The following PPFIA1 variants were observed in gnomAD, a reference collection of about 807,000 sequenced individuals.
PPFIA1 encodes liprin-alpha-1.
In PPFIA1, 25 loss-of-function variants were observed where a neutral mutation model predicts 149.9. The observed-to-expected ratio is 0.17, with a 90% CI of 0.12 to 0.23. The LOEUF is 0.23. PPFIA1 is among the 10% of genes least tolerant of loss of function. The pLI is 1.00. For synonymous variants in PPFIA1, 549 were observed against 552.8 expected, an observed-to-expected ratio of 0.99 and a Z score of 0.10; for missense variants, 1,362 against 1,506.5, an observed-to-expected ratio of 0.90 and a Z score of 1.59.
Position 70,302,095 on chromosome 11 carries a change from T to C in PPFIA1, c.265-22307T>C, listed in dbSNP as rs575039480. Reference sequence around the variant, plus strand: ...GTGGCACAGTAGACAGAATCCAGCATAGCACAGGAAAGGAGCTGGCCAGGT... The same window carrying C: ...GTGGCACAGTAGACAGAATCCAGCACAGCACAGGAAAGGAGCTGGCCAGGT... On this transcript the variant is annotated intron_variant, in intron 2 of 27. Coordinates refer to ENST00000253925, the MANE Select transcript of PPFIA1 (RefSeq NM_003626.5). 2.4e-4 allele frequency among the ~76,000 whole-genome samples: 36 copies of C among 152,242 alleles called. No individual in the cohort carries two copies. The East Asian group carries it at 6.2e-3, about 26-fold the overall frequency.
chr11:70,294,636 A>G (rs546724), intron 2 of PPFIA1, among the ~76,000 whole-genome samples: 67,912 of 149,250 alleles, frequency 0.46, 17,796 homozygotes, highest in African/African-American at 0.72. Flanking sequence ...CAATAGTGGA[A>G]GGAAGGTCAG....
intron 6 of PPFIA1, 82 bp downstream of exon 6, chr11:70,326,445 A>C: frequency 1.1e-5 from 15 of 1,366,908 alleles, no homozygotes; most frequent in Non-Finnish European, 1.3e-5. Flanking sequence ...AACAGTTGCT[A>C]AAGTACCGGC....
intron 2 of PPFIA1, among the ~76,000 whole-genome samples, chr11:70,301,607 T>C (rs1274158965): frequency 6.6e-6 from 1 of 152,246 alleles, no homozygotes; most frequent in African/African-American, 2.4e-5. Context: ...TTTGAGTACC[T>C]AGCATATAGC....
At chr11:70,312,548 T>C (rs1338358807) in intron 2 of PPFIA1, among the ~76,000 whole-genome samples, 1 of 152,172 alleles carries the variant, frequency 6.6e-6, no homozygotes, top group Non-Finnish European at 1.5e-5. Context: ...GAGTGTTGAT[T>C]CAGCAAGGTG....
chr11:70,360,742 A>G (rs1343631012), intron 19 of PPFIA1, among the ~76,000 whole-genome samples: 1 of 152,266 alleles, frequency 6.6e-6, no homozygotes, highest in African/African-American at 2.4e-5. Flanking sequence ...GTCTGCTGCT[A>G]TTGAAATGTA....
At chr11:70,320,225 A>G (rs933376131) in intron 2 of PPFIA1, 2 of 152,278 alleles carry the variant, frequency 1.3e-5, no homozygotes, top group African/African-American at 4.8e-5. Context: ...GAAACAAACC[A>G]AAAAGCATAG....
chr11:70,329,917 G>T (rs1042761009), intron 7 of PPFIA1: 47 of 385,710 alleles, frequency 1.2e-4, no homozygotes, highest in Admixed American at 5.9e-4. Context: ...GATAGAGGGA[G>T]ACTCTGACTC....
In PPFIA1 at chr11:70,378,131, A is replaced by C. The variant is rs144543406; in HGVS notation, c.3486A>C (p.Ala1162=). The C allele has an allele frequency of 6.7e-4, 1,081 of 1,614,202 alleles. 5 individuals are homozygous for C. The African/African-American group carries it at 0.013, about 19-fold the overall frequency. The change falls in exon 26 of 28, where the codon GCA becomes GCC. Residue 1162 remains alanine, a synonymous_variant. Transcript: ENST00000253925. ...CTGGGTCAGCAGAGACTCTCCCTGC[A>C]AACTTCCGGGTGACTTCTTCTATGT... is the stretch of plus-strand genomic sequence containing the variant. ...LAAGSAETLP[A]NFRVTSSMSS... is the part of the protein sequence containing the mutation.
At chr11:70,374,687 C>T (rs528503348) in intron 23 of PPFIA1, 2 of 478,362 alleles carry the variant, frequency 4.2e-6, no homozygotes, top group South Asian at 3.3e-5. Context: ...CTCTCGTGCT[C>T]ACTGGAAGGA....
intron 2 of PPFIA1, among the ~76,000 whole-genome samples, chr11:70,287,550 CAA>C (rs2051228226): frequency 6.6e-6 from 1 of 150,554 alleles, no homozygotes; most frequent in Non-Finnish European, 1.5e-5. Flanking sequence ...GGCTGGTCTC[CAA>C]TCCTGGTCTC....
chr11:70,322,338 G>A (rs986511840), intron 2 of PPFIA1, among the ~76,000 whole-genome samples: 4 of 152,164 alleles, frequency 2.6e-5, no homozygotes, highest in African/African-American at 9.7e-5. Context: ...AATTATCAGA[G>A]ATGTAAATCG....
intron 2 of PPFIA1, among the ~76,000 whole-genome samples, chr11:70,298,796 G>C (rs1365558456): frequency 6.6e-6 from 1 of 152,162 alleles, no homozygotes; most frequent in African/African-American, 2.4e-5. Context: ...TCTCTTAGAA[G>C]TTTACAGTGA....
At chr11:70,361,959 C>A in intron 19 of PPFIA1, 136 bp from the exon 20 acceptor site, 1 of 729,332 alleles carries the variant, frequency 1.4e-6, no homozygotes, top group Non-Finnish European at 2.3e-6. Flanking sequence ...TGGGGTCTCG[C>A]TGTGTTGTCT....
intron 10 of PPFIA1, among the ~76,000 whole-genome samples, chr11:70,333,785 C>T (rs2054811447): frequency 6.6e-6 from 1 of 152,124 alleles, no homozygotes; most frequent in Non-Finnish European, 1.5e-5. Context: ...ATTTGAGATC[C>T]TAGGCAGTAC....
intron 10 of PPFIA1, among the ~76,000 whole-genome samples, chr11:70,335,240 G>A (rs1466015996): frequency 6.6e-6 from 1 of 152,178 alleles, no homozygotes; most frequent in African/African-American, 2.4e-5. Context: ...CCAGCGTGGA[G>A]ACAGGCTCAT....
chr11:70,338,383 G>T lies in PPFIA1; in HGVS notation c.1501G>T (p.Val501Phe), dbSNP rs1246013851. The T allele has an allele frequency of 3.7e-6, 6 of 1,611,906 alleles. No homozygotes were observed. The highest frequency in any genetic ancestry group is 1.3e-5 in the African/African-American group (1 of 74,868). The stretch of plus-strand genomic sequence containing the variant: ...TTTTGCTTTTCTGTAGGATCAGCTT[G>T]TCCTAAACATTGAAGCACTGAGGGC... ...EETQHDKDQL[V>F]LNIEALRAEL... Residue 501 changes from valine to phenylalanine, a missense_variant, in exon 13 of 28, where the codon GTC (valine) becomes TTC (phenylalanine). Around this residue, in one of 7 missense-constraint regions of PPFIA1, gnomAD observed 733 missense variants for 744.1 expected, o/e 0.99. Coordinates refer to ENST00000253925, the MANE Select transcript of PPFIA1 (RefSeq NM_003626.5).
chr11:70,282,989 A>G (rs1259908194), intron 2 of PPFIA1, among the ~76,000 whole-genome samples: 1 of 151,576 alleles, frequency 6.6e-6, no homozygotes, highest in Non-Finnish European at 1.5e-5. Flanking sequence ...ATAGGCGTGC[A>G]TCACCATGCC....
intron 2 of PPFIA1, among the ~76,000 whole-genome samples, chr11:70,278,746 A>C (rs1190996989): frequency 6.6e-6 from 1 of 152,246 alleles, no homozygotes; most frequent in Admixed American, 6.5e-5. Flanking sequence ...ACTTGAATGT[A>C]GAAATTTGTT....
Position 70,354,332 on chromosome 11 carries a change from A to T in PPFIA1, c.2195A>T (p.Asp732Val). The T allele has an allele frequency of 1.2e-6, 2 of 1,613,988 alleles. No individual in the cohort carries two copies. The highest frequency in any genetic ancestry group is 1.7e-6 in the Non-Finnish European group (2 of 1,179,966). Residue 732 changes from aspartate to valine, a missense_variant, in exon 17 of 28, where the codon GAC becomes GTC. Asp to Val is a radical substitution (Grantham distance 152). This residue lies in a region of PPFIA1 where 733 missense variants were observed against 744.1 expected (regional missense o/e 0.99). Coordinates refer to ENST00000253925, the MANE Select transcript of PPFIA1 (RefSeq NM_003626.5). ...CCTTCCAGAGAAGAGGTACGAGATG[A>T]CAAGACAACCATAAAGTGTGAAACC... ...LPPSREEVRDDKTTIKCETSP... is the reference protein window; with the variant it reads ...LPPSREEVRDVKTTIKCETSP...
Sources: allele counts gnomAD v4.1 joint callset (sites outside exome capture counted in the v4.1 genomes callset), GRCh38; gene constraint gnomAD v4.1.1; regional missense constraint gnomAD v4.1.1; transcripts MANE v1.5; gene names NCBI Gene and HGNC (gene_info 2026-07-23, HGNC 2026-07-21).